The following FAM227B variants were observed in gnomAD, a reference collection of about 807,000 sequenced individuals.
The protein encoded by FAM227B is protein FAM227B.
Under a neutral mutation model 73.8 loss-of-function variants are expected in FAM227B, and 88 were observed. The ratio of observed to expected loss-of-function variants is 1.19; its 90% CI spans 1.00 to 1.42. The LOEUF (loss-of-function observed/expected upper bound fraction) is 1.42. Ranked by LOEUF, FAM227B falls within the 40% of genes most tolerant of loss-of-function variation. FAM227B has a pLI of 0.00. For synonymous variants in FAM227B, 210 were observed against 190.5 expected (o/e 1.10, Z -0.84); for missense variants, 632 against 590.9 (o/e 1.07, Z -0.72).
chr15:49,476,911 T>A (rs1195346302), intron 11 of FAM227B, among the ~76,000 whole-genome samples: 1 of 151,982 alleles, frequency 6.6e-6, no homozygotes, highest in African/African-American at 2.4e-5. Context: ...TACAAAAAAA[T>A]TAGCCGGGCG....
chr15:49,440,359 T>C (rs2051523065), intron 11 of FAM227B, among the ~76,000 whole-genome samples: 1 of 151,644 alleles, frequency 6.6e-6, no homozygotes, highest in African/African-American at 2.4e-5. Flanking sequence ...CATAGAGGGG[T>C]AGAATATTGC....
At chr15:49,607,331 T>C (rs1340796236) in intron 3 of FAM227B, among the ~76,000 whole-genome samples, 2 of 152,136 alleles carry the variant, frequency 1.3e-5, no homozygotes, top group African/African-American at 2.4e-5. Flanking sequence ...ATAAGACGCA[T>C]AGCCACTTGG....
intron 11 of FAM227B, among the ~76,000 whole-genome samples, chr15:49,498,285 T>C (rs1252569577): frequency 6.6e-6 from 1 of 152,192 alleles, no homozygotes; most frequent in Non-Finnish European, 1.5e-5. Flanking sequence ...TTTAGGAAAA[T>C]TACTTAATCA....
chr15:49,392,263 T>G (rs764824698), intron 11 of FAM227B, among the ~76,000 whole-genome samples: 5 of 152,144 alleles, frequency 3.3e-5, no homozygotes, highest in Non-Finnish European at 5.9e-5. Context: ...ACAGAATTTA[T>G]GGAGGGCTTG....
chr15:49,443,542 A>T (rs143621735), intron 11 of FAM227B, among the ~76,000 whole-genome samples: 3,574 of 151,854 alleles, frequency 0.024, 90 homozygotes, highest in South Asian at 0.13. Context: ...CTTAAGGTTT[A>T]GTGTCTATAA....
intron 10 of FAM227B, among the ~76,000 whole-genome samples, chr15:49,512,320 T>C (rs974544022): frequency 2.0e-5 from 3 of 152,150 alleles, no homozygotes; most frequent in Non-Finnish European, 1.5e-5. Flanking sequence ...TTTTCAATTG[T>C]AGTGTTCTAT....
chr15:49,518,174 A>G (rs568052411), intron 10 of FAM227B, among the ~76,000 whole-genome samples: 1 of 152,330 alleles, frequency 6.6e-6, no homozygotes, highest in East Asian at 1.9e-4. Context: ...TTCTGTGACA[A>G]AAGTATGCAT....
In FAM227B at chr15:49,492,721, T is replaced by G. The variant is rs901985093; in HGVS notation, c.1012+15490A>C. On this transcript the variant is annotated intron_variant, in intron 11 of 15. Coordinates refer to ENST00000299338, the MANE Select transcript of FAM227B (RefSeq NM_152647.3). ...TATTAAGGTTAAATCACAGGTGATA[T>G]TTTATTGTCTTCTAAATACTTCATT... Among the ~76,000 whole-genome samples, 6 of 151,918 alleles carry G rather than the reference T, an allele frequency of 3.9e-5. No individual in the cohort carries two copies. In the East Asian group the frequency reaches 7.7e-4, roughly 20 times the overall value.
At chr15:49,550,267 T>C in intron 9 of FAM227B, among the ~76,000 whole-genome samples, 1 of 123,086 alleles carries the variant, frequency 8.1e-6, no homozygotes, top group African/African-American at 3.2e-5. Context: ...GCTCCTCACT[T>C]CCCAGTAGGG....
At chr15:49,535,093 G>A (rs927996897) in intron 10 of FAM227B, among the ~76,000 whole-genome samples, 1 of 151,086 alleles carries the variant, frequency 6.6e-6, no homozygotes, top group Non-Finnish European at 1.5e-5. Context: ...AAACAGAACA[G>A]AAACAAAGCA....
intron 9 of FAM227B, among the ~76,000 whole-genome samples, chr15:49,557,908 C>A (rs2073881405): frequency 6.6e-6 from 1 of 152,176 alleles, no homozygotes; most frequent in African/African-American, 2.4e-5. Flanking sequence ...GAGGCTGCAG[C>A]CATGGTGCTA....
chr15:49,618,347 G>A (rs1473677637), intron 1 of FAM227B, among the ~76,000 whole-genome samples: 3 of 152,244 alleles, frequency 2.0e-5, no homozygotes, highest in East Asian at 1.9e-4. Context: ...AGGCTGTAAC[G>A]CTGTAGGAAG....
chr15:49,611,343 T>C lies in FAM227B; in HGVS notation c.52-75A>G. On this transcript the variant is annotated intron_variant, in intron 2 of 15. Transcript: ENST00000299338. ...TTCATAATATTTACAAATAATTTACTTAAATAAAATGATACTCTATTTATC... is the reference window on the plus strand; with the variant it reads ...TTCATAATATTTACAAATAATTTACCTAAATAAAATGATACTCTATTTATC... 5 of 730,136 alleles carry C rather than the reference T, an allele frequency of 6.8e-6. No individual in the cohort carries two copies. The Admixed American group carries it at 9.8e-5, about 14-fold the overall frequency. 45.2% of individuals were successfully genotyped at this position (730,136 alleles called of 1,614,324 possible).
intron 11 of FAM227B, among the ~76,000 whole-genome samples, chr15:49,468,308 G>A (rs1370749924): frequency 6.6e-6 from 1 of 152,100 alleles, no homozygotes; most frequent in Non-Finnish European, 1.5e-5. Context: ...CTTGATACCA[G>A]CAATTATGCA....
intron 8 of FAM227B, among the ~76,000 whole-genome samples, chr15:49,568,624 G>A (rs1447600759): frequency 6.6e-6 from 1 of 151,866 alleles, no homozygotes; most frequent in Non-Finnish European, 1.5e-5. Flanking sequence ...ATAAGGACAG[G>A]GATCATATTT....
At chr15:49,465,365 A>T (rs1426645125) in intron 11 of FAM227B, among the ~76,000 whole-genome samples, 1 of 150,012 alleles carries the variant, frequency 6.7e-6, no homozygotes, top group Non-Finnish European at 1.5e-5. Context: ...CGAACTCCTG[A>T]GCTCAAGTGA....
rs545478804 is a variant in FAM227B at position 49,572,900 on chromosome 15, GTTTC to G, written c.645+2107_645+2110del. 1.3e-3 allele frequency among the ~76,000 whole-genome samples: 199 copies of G among 151,494 alleles called. 1 individual carries two copies. Among genetic ancestry groups the G allele is most frequent in the African/African-American group, 4.3e-3 (180 of 41,404 alleles). On this transcript the variant is annotated intron_variant, in intron 8 of 15. Transcript: ENST00000299338. ...AATAACCAACTTTTGGCCTAATTGA[GTTTC>G]TTTATTTTCTCTTTTCAATGTTATT...
At chr15:49,544,578 GT>G (rs2071548986) in intron 9 of FAM227B, among the ~76,000 whole-genome samples, 1 of 152,128 alleles carries the variant, frequency 6.6e-6, no homozygotes, top group Admixed American at 6.5e-5. Flanking sequence ...TCCTTGTCTT[GT>G]TCCAGTTCTC....
intron 1 of FAM227B, among the ~76,000 whole-genome samples, chr15:49,617,253 G>A (rs2153345108): frequency 6.6e-6 from 1 of 152,230 alleles, no homozygotes; most frequent in African/African-American, 2.4e-5. Context: ...CCAAACAAGT[G>A]ACTAAAAATA....
Sources: allele counts gnomAD v4.1 joint callset (sites outside exome capture counted in the v4.1 genomes callset), GRCh38; gene constraint gnomAD v4.1.1; transcripts MANE v1.5; gene names NCBI Gene and HGNC (gene_info 2026-07-23, HGNC 2026-07-21).